The following TCF4 variants were observed in gnomAD, a reference collection of about 807,000 sequenced individuals.
TCF4 encodes SL3-3 enhancer factor 2.
In TCF4, 3 loss-of-function variants were observed where a neutral mutation model predicts 82.1. The ratio of observed to expected loss-of-function variants is 0.04; its 90% CI spans 0.02 to 0.09. The LOEUF (loss-of-function observed/expected upper bound fraction) is 0.09. Ranked by LOEUF, TCF4 falls within the 10% of genes least tolerant of loss-of-function variation. The pLI is 1.00. For synonymous variants in TCF4, 276 were observed against 309.6 expected (o/e 0.89, Z 1.14); for missense variants, 518 against 852.7 (o/e 0.61, Z 4.89).
rs775479595 is a variant in TCF4, at chr18:55,223,120, C to T, written c.*4915G>A. On this transcript the variant is annotated 3_prime_UTR_variant, in exon 20 of 20. Coordinates refer to ENST00000354452, the MANE Select transcript of TCF4 (RefSeq NM_001083962.2). ...TTGACTTAGCAACCTGCAGCACAAC[C>T]GAAAACACTGGTGCAGTTCAGAGCT... 3.3e-5 allele frequency: 5 copies of T among 152,146 alleles called. No individual in the cohort carries two copies. Among genetic ancestry groups the T allele is most frequent in the South Asian group, 2.1e-4 (1 of 4,824 alleles). The allele number at this position is 152,146 out of a possible 1,614,324, so 9.4% of individuals were successfully genotyped here.
At chr18:55,549,080 C>T (rs1376346382) in intron 3 of TCF4, among the ~76,000 whole-genome samples, 5 of 152,052 alleles carry the variant, frequency 3.3e-5, no homozygotes, top group Non-Finnish European at 2.9e-5. Context: ...GCAGGTGGAT[C>T]ACTTGAGCTC....
intron 3 of TCF4, chr18:55,510,849 C>T (rs2096820710): frequency 5.1e-6 from 5 of 972,382 alleles, no homozygotes; most frequent in Non-Finnish European, 6.4e-6. Flanking sequence ...TTATGAGCTA[C>T]ATTAGAAATT....
At chr18:55,465,082 T>C (rs1225288835) in intron 3 of TCF4, among the ~76,000 whole-genome samples, 1 of 152,168 alleles carries the variant, frequency 6.6e-6, no homozygotes, top group Non-Finnish European at 1.5e-5. Flanking sequence ...TTCATAAGTA[T>C]AAAAAGTTTC....
intron 11 of TCF4, among the ~76,000 whole-genome samples, chr18:55,263,266 A>G (rs1006512117): frequency 5.9e-5 from 9 of 152,226 alleles, no homozygotes; most frequent in African/African-American, 1.9e-4. Flanking sequence ...ATTAAAATAC[A>G]TGAGTCATTA....
At chr18:55,511,021 T>C (rs970320808) in intron 3 of TCF4, among the ~76,000 whole-genome samples, 4 of 152,136 alleles carry the variant, frequency 2.6e-5, no homozygotes, top group African/African-American at 9.7e-5. Context: ...CCGTTCAACA[T>C]GCCTCTCTTG....
At chr18:55,351,126 A>C in intron 6 of TCF4, 123 bp from the exon 7 acceptor site, 1 of 1,264,540 alleles carries the variant, frequency 7.9e-7, no homozygotes, top group Non-Finnish European at 1.1e-6. Context: ...AGCTGAGACA[A>C]TTAAAACAAA....
chr18:55,511,548 C>A (rs983667492), intron 3 of TCF4, among the ~76,000 whole-genome samples: 1 of 152,076 alleles, frequency 6.6e-6, no homozygotes, highest in African/African-American at 2.4e-5. Context: ...ACTTTAACAA[C>A]AGAGTTCTAA....
chr18:55,237,630 G>A (rs1286857554), intron 15 of TCF4, among the ~76,000 whole-genome samples: 6 of 127,156 alleles, frequency 4.7e-5, no homozygotes, highest in South Asian at 2.4e-4. Flanking sequence ...CCACCACGCC[G>A]GCTAATTTGT....
At chr18:55,315,760 C>A (rs1227929797) in intron 8 of TCF4, among the ~76,000 whole-genome samples, 3 of 152,032 alleles carry the variant, frequency 2.0e-5, no homozygotes, top group African/African-American at 7.2e-5. Flanking sequence ...TCTGAAAATT[C>A]CAAGTATAAC....
intron 3 of TCF4, among the ~76,000 whole-genome samples, chr18:55,542,507 CACT>C (rs1294357812): frequency 2.0e-5 from 3 of 151,942 alleles, no homozygotes; most frequent in African/African-American, 7.2e-5. Context: ...GTTTCATATT[CACT>C]ACATGGATGA....
chr18:55,475,065 T>A (rs184805745), intron 3 of TCF4, among the ~76,000 whole-genome samples: 2 of 152,342 alleles, frequency 1.3e-5, no homozygotes, highest in Admixed American at 1.3e-4. Context: ...AACAGTACTA[T>A]TATCAAAATC....
chr18:55,394,182 A>C (rs1450882803), intron 6 of TCF4, among the ~76,000 whole-genome samples: 1 of 152,212 alleles, frequency 6.6e-6, no homozygotes, highest in Non-Finnish European at 1.5e-5. Context: ...AAAACTAAAA[A>C]GATTCAGTGC....
At chr18:55,479,040 T>A (rs1008108036) in intron 3 of TCF4, among the ~76,000 whole-genome samples, 2 of 151,992 alleles carry the variant, frequency 1.3e-5, no homozygotes, top group Admixed American at 6.6e-5. Context: ...TTTTTGTTTT[T>A]GCATTAACAT....
chr18:55,276,446 A>C (rs1189692930), intron 9 of TCF4, among the ~76,000 whole-genome samples: 1 of 152,194 alleles, frequency 6.6e-6, no homozygotes. Flanking sequence ...GGATTTTATA[A>C]AACGATTTAT....
chr18:55,536,650 T>C (rs897368091), intron 3 of TCF4, among the ~76,000 whole-genome samples: 4 of 152,192 alleles, frequency 2.6e-5, no homozygotes, highest in Admixed American at 2.0e-4. Flanking sequence ...ATTAGAACTA[T>C]CACAAGACAG....
chr18:55,302,525 G>A (rs1344096890), intron 8 of TCF4: 1 of 1,535,978 alleles, frequency 6.5e-7, no homozygotes, highest in Admixed American at 2.0e-5. Flanking sequence ...ATGGCTGACA[G>A]CATCAGAACT....
intron 8 of TCF4, among the ~76,000 whole-genome samples, chr18:55,287,501 T>C (rs555985649): frequency 6.6e-6 from 1 of 152,226 alleles, no homozygotes; most frequent in Admixed American, 6.5e-5. Flanking sequence ...GTCCCCTTCC[T>C]TGTCTGTAAC....
intron 3 of TCF4, among the ~76,000 whole-genome samples, chr18:55,499,441 G>C (rs1344092274): frequency 6.6e-6 from 1 of 152,212 alleles, no homozygotes; most frequent in African/African-American, 2.4e-5. Context: ...CACAGTAACA[G>C]AGGAGTTTTA....
chr18:55,408,822 G>GA (rs11309751), intron 5 of TCF4, among the ~76,000 whole-genome samples: 136 of 146,238 alleles, frequency 9.3e-4, no homozygotes, highest in African/African-American at 2.6e-3. Context: ...AACTCTGGGG[G>GA]AAAAAAAAAA....
Sources: allele counts gnomAD v4.1 joint callset (sites outside exome capture counted in the v4.1 genomes callset), GRCh38; gene constraint gnomAD v4.1.1; transcripts MANE v1.5; gene names NCBI Gene and HGNC (gene_info 2026-07-23, HGNC 2026-07-21).